Variants in FNBP1 observed in about 807,000 individuals in gnomAD.
FNBP1 encodes formin binding protein 1.
A neutral mutation model predicts 90.6 loss-of-function variants in FNBP1; 26 were observed. The observed-to-expected ratio is 0.29, with a 90% CI of 0.21 to 0.40. The LOEUF is 0.40. Ranked by LOEUF, FNBP1 falls within the 10% of genes least tolerant of loss-of-function variation. The pLI, the probability that FNBP1 is intolerant of heterozygous loss-of-function variation, is 1.00. For synonymous variants in FNBP1, 260 were observed against 265.2 expected (o/e 0.98, Z 0.19); for missense variants, 635 against 768.0 (o/e 0.83, Z 2.05).
chr9:129,996,993 C>T (rs1463786798), intron 1 of FNBP1, among the ~76,000 whole-genome samples: 3 of 151,954 alleles, frequency 2.0e-5, no homozygotes, highest in Non-Finnish European at 4.4e-5. Flanking sequence ...CTGCCTCCGG[C>T]CGGCCTGTTT....
chr9:129,896,677 CAG>C (rs1215325076), intron 15 of FNBP1, among the ~76,000 whole-genome samples: 1 of 151,706 alleles, frequency 6.6e-6, no homozygotes, highest in Non-Finnish European at 1.5e-5. Flanking sequence ...TGTTTTGAGA[CAG>C]AGTCTTGCTC....
chr9:129,931,560 C>T lies in FNBP1; in HGVS notation c.514-1865G>A, dbSNP rs1404206954. On this transcript the variant is annotated intron_variant, in intron 6 of 16. Transcript: ENST00000446176. ...GGCGGAGCTTGCAATGAGCCGAGAT[C>T]GCGCCACTATACTCCAGCCTGGGCG... is the stretch of plus-strand genomic sequence containing the variant. 5.3e-5 allele frequency among the ~76,000 whole-genome samples: 8 copies of T among 151,824 alleles called. No individual in the cohort carries two copies. In the East Asian group the frequency reaches 7.8e-4, roughly 15 times the overall value.
At chr9:129,914,915 T>C (rs746197746) in intron 11 of FNBP1, 1 of 478,050 alleles carries the variant, frequency 2.1e-6, no homozygotes, top group East Asian at 6.2e-5. Flanking sequence ...GCTGTGGAGT[T>C]TGAGAAGACT....
intron 1 of FNBP1, among the ~76,000 whole-genome samples, chr9:130,037,311 G>A (rs1490633685): frequency 2.0e-5 from 3 of 151,982 alleles, no homozygotes; most frequent in Admixed American, 2.0e-4. Flanking sequence ...CTGAGATCGC[G>A]CCACTGCACG....
Position 129,887,545 on chromosome 9 carries a change from T to C in FNBP1, c.*2994A>G. ...TCACTTTTTGACGTCGTGTAAACTT[T>C]CTTCTGCAATGACGGATGTTACCAA... On this transcript the variant is annotated 3_prime_UTR_variant, in exon 17 of 17. Coordinates refer to ENST00000446176, the MANE Select transcript of FNBP1 (RefSeq NM_015033.3). 4.7e-6 allele frequency: 1 copy of C among 210,658 alleles called. No homozygotes were observed. Among genetic ancestry groups the C allele is most frequent in the Non-Finnish European group, 9.6e-6 (1 of 103,840 alleles). 13.0% of individuals were successfully genotyped at this position (210,658 alleles called of 1,614,324 possible). A position where few individuals can be genotyped will look rare whatever the true frequency, so the allele number is the denominator to read the frequency against.
chr9:129,995,649 G>T (rs1410687239), intron 1 of FNBP1, among the ~76,000 whole-genome samples: 2 of 152,164 alleles, frequency 1.3e-5, no homozygotes, highest in Non-Finnish European at 2.9e-5. Flanking sequence ...TCCAGCCTGG[G>T]TATAAGAGCA....
At chr9:129,924,925 C>A in intron 9 of FNBP1, 35 bp downstream of exon 9, 1 of 1,552,464 alleles carries the variant, frequency 6.4e-7, no homozygotes, top group Non-Finnish European at 8.8e-7. Flanking sequence ...AATCTCCACA[C>A]CTTAGAAAAC....
intron 1 of FNBP1, among the ~76,000 whole-genome samples, chr9:130,037,081 G>C (rs968090319): frequency 4.6e-5 from 7 of 151,124 alleles, no homozygotes; most frequent in Non-Finnish European, 8.8e-5. Flanking sequence ...TAGAGGCCAG[G>C]CATGGTGGCT....
intron 12 of FNBP1, among the ~76,000 whole-genome samples, chr9:129,907,086 T>TA (rs2038229657): frequency 1.9e-4 from 1 of 5,200 alleles, no homozygotes; most frequent in Non-Finnish European, 4.2e-4. Context: ...CCCAAGCACG[T>TA]TTTTTTTTTT....
intron 10 of FNBP1, chr9:129,919,288 C>G (rs995061547): frequency 1.0e-6 from 1 of 999,918 alleles, no homozygotes; most frequent in Non-Finnish European, 1.4e-6. Flanking sequence ...ATAAAATTAA[C>G]CATAAGACTT....
At chr9:129,928,576 G>A (rs1451936517) in intron 7 of FNBP1, among the ~76,000 whole-genome samples, 1 of 151,602 alleles carries the variant, frequency 6.6e-6, no homozygotes, top group South Asian at 2.1e-4. Context: ...CAGGAGATTC[G>A]CCGGAACCCA....
chr9:130,050,904 A>AT, the FNBP1 span, among the ~76,000 whole-genome samples: 24 of 139,174 alleles, frequency 1.7e-4, no homozygotes, highest in African/African-American at 5.0e-4. Flanking sequence ...ATGCTCGCTA[A>AT]TTTTTTTTTT....
At chr9:129,988,067 A>T (rs184819139) in intron 2 of FNBP1, among the ~76,000 whole-genome samples, 22 of 152,144 alleles carry the variant, frequency 1.4e-4, no homozygotes, top group Admixed American at 9.2e-4. Flanking sequence ...GAGAAATGCA[A>T]TTTAAGACCT....
At chr9:129,955,996 G>T (rs1036839943) in intron 6 of FNBP1, among the ~76,000 whole-genome samples, 2 of 151,818 alleles carry the variant, frequency 1.3e-5, no homozygotes, top group South Asian at 4.2e-4. Flanking sequence ...ATGTCTTTTG[G>T]TAAAGTAAGT....
intron 2 of FNBP1, among the ~76,000 whole-genome samples, chr9:129,991,717 T>C (rs1178701212): frequency 6.6e-6 from 1 of 151,048 alleles, no homozygotes; most frequent in Admixed American, 6.6e-5. Flanking sequence ...TGGAGTGCAG[T>C]GGTGTGATCT....
intron 2 of FNBP1, among the ~76,000 whole-genome samples, chr9:129,990,674 C>A (rs1490286807): frequency 1.3e-5 from 2 of 152,144 alleles, no homozygotes; most frequent in Non-Finnish European, 2.9e-5. Flanking sequence ...ATACTGTAAT[C>A]TGGCTGCTCT....
chr9:129,925,742 T>G, intron 8 of FNBP1, among the ~76,000 whole-genome samples: 1 of 149,764 alleles, frequency 6.7e-6, no homozygotes, highest in East Asian at 2.1e-4. Context: ...TACAGGCATG[T>G]GCCATCATGC....
At chr9:130,034,237 C>T (rs2059095986) in intron 1 of FNBP1, among the ~76,000 whole-genome samples, 1 of 149,070 alleles carries the variant, frequency 6.7e-6, no homozygotes, top group South Asian at 2.1e-4. Flanking sequence ...CGCTTGAACT[C>T]GGGAGGCGGA....
At chr9:130,006,467 C>A (rs1245473884) in intron 1 of FNBP1, among the ~76,000 whole-genome samples, 1 of 152,000 alleles carries the variant, frequency 6.6e-6, no homozygotes, top group Non-Finnish European at 1.5e-5. Context: ...TGCACTCCAG[C>A]CTGGTGACAG....
Sources: gnomAD v4.1 joint callset for allele counts (sites outside exome capture counted in the v4.1 genomes callset) on GRCh38, gnomAD v4.1.1 for gene constraint, MANE v1.5 for transcripts, NCBI Gene and HGNC (gene_info 2026-07-23, HGNC 2026-07-21) for gene names.